SLC26A5: variants seen among roughly 807,000 people sequenced by gnomAD.
The protein encoded by SLC26A5 is prestin.
A neutral mutation model predicts 81.0 loss-of-function variants in SLC26A5; 51 were observed. That is an observed-to-expected ratio of 0.63 (90% CI 0.50 to 0.80). The LOEUF is 0.80. Ranked by LOEUF, SLC26A5 falls within the 30% of genes least tolerant of loss-of-function variation. The pLI is 0.00. For synonymous variants in SLC26A5, 325 were observed against 332.8 expected, an observed-to-expected ratio of 0.98 and a Z score of 0.25; for missense variants, 771 against 905.8, an observed-to-expected ratio of 0.85 and a Z score of 1.91.
At chr7:103,402,512 G>A (rs1414682954) in intron 8 of SLC26A5, among the ~76,000 whole-genome samples, 1 of 149,620 alleles carries the variant, frequency 6.7e-6, no homozygotes, top group African/African-American at 2.5e-5. Flanking sequence ...TGATTCTCCT[G>A]CCTCAACCTC....
intron 1 of SLC26A5, among the ~76,000 whole-genome samples, chr7:103,444,243 AAAAG>A (rs570621697): frequency 4.6e-4 from 70 of 152,340 alleles, no homozygotes; most frequent in Non-Finnish European, 8.7e-4. Context: ...GTTTGAAACC[AAAAG>A]AAAGGAAAAT....
chr7:103,390,513 G>C lies in SLC26A5; in HGVS notation c.1234-7C>G. On this transcript the variant is annotated splice_polypyrimidine_tract_variant and splice_region_variant and intron_variant, in intron 11 of 19. Transcript: ENST00000306312. ...AGGCCAAACAACCTGCAAGCTGAAT[G>C]AGAGAAGACACATGGAAGGGGCTTT... 2 of 1,613,544 alleles carry C rather than the reference G, an allele frequency of 1.2e-6. No individual in the cohort carries two copies. The highest frequency in any genetic ancestry group is 1.1e-5 in the South Asian group (1 of 91,070).
At chr7:103,354,742 C>T in intron 19 of SLC26A5, 1 of 632,446 alleles carries the variant, frequency 1.6e-6, no homozygotes, top group African/African-American at 1.8e-5. Flanking sequence ...AGGAATACCT[C>T]TCTACTTCAC....
chr7:103,358,177 G>A (rs925247178), intron 19 of SLC26A5, among the ~76,000 whole-genome samples: 2 of 152,266 alleles, frequency 1.3e-5, no homozygotes, highest in Admixed American at 6.5e-5. Context: ...TTTTGAAGGC[G>A]TCGTTCTGTT....
chr7:103,383,666 T>C (rs1821960274), intron 14 of SLC26A5, among the ~76,000 whole-genome samples: 1 of 152,176 alleles, frequency 6.6e-6, no homozygotes, highest in East Asian at 1.9e-4. Context: ...TTATTTTTGT[T>C]TTATTATTTA....
intron 2 of SLC26A5, among the ~76,000 whole-genome samples, chr7:103,439,898 T>C (rs759501720): frequency 2.0e-4 from 30 of 152,202 alleles, no homozygotes; most frequent in Non-Finnish European, 3.5e-4. Flanking sequence ...CTGGCCAGGA[T>C]GCTCTACTCC....
At chr7:103,432,696 C>T (rs184199645) in intron 2 of SLC26A5, among the ~76,000 whole-genome samples, 2 of 152,002 alleles carry the variant, frequency 1.3e-5, no homozygotes, top group East Asian at 3.9e-4. Flanking sequence ...GATTCTTCTG[C>T]TTGTTCTGTT....
rs368278768 is a variant in SLC26A5, at chr7:103,421,538, C to A, written c.-24G>T. On this transcript the variant is annotated 5_prime_UTR_variant, in exon 3 of 20. Transcript: ENST00000306312. ...ATAGTACTCTGAAATTATTCCTTAA[C>A]AGCCGGAGACAAGCATTTCCTGAGT... 5 of 1,613,060 alleles carry A rather than the reference C, an allele frequency of 3.1e-6. No homozygotes were observed. Among genetic ancestry groups the A allele is most frequent in the Non-Finnish European group, 3.4e-6 (4 of 1,179,508 alleles).
At chr7:103,393,571 G>C (rs1478630807) in intron 9 of SLC26A5, among the ~76,000 whole-genome samples, 12 of 138,456 alleles carry the variant, frequency 8.7e-5, no homozygotes, top group East Asian at 2.0e-4. Flanking sequence ...CTCTTCCTGT[G>C]TGTGTGTGTG....
Position 103,391,700 on chromosome 7 carries a change from G to A in SLC26A5, c.1155C>T (p.Gly385=). Residue 385 remains glycine (G), a synonymous_variant, in exon 11 of 20, where the codon GGC becomes GGT. Transcript: ENST00000306312. ...AAATTGAAAAGGTCTGGAAGAGTGA[G>A]CCAATGGAATTGCACAGTCCCAGGG... is the stretch of plus-strand genomic sequence containing the variant. ...LIALGLCNSI[G]SLFQTFSISC... is the part of the protein sequence containing the mutation. 1 of 1,614,054 alleles carries A rather than the reference G, an allele frequency of 6.2e-7. No homozygotes were observed. The highest frequency in any genetic ancestry group is 8.5e-7 in the Non-Finnish European group (1 of 1,180,004).
At chr7:103,388,094 G>T (rs1180790821) in intron 14 of SLC26A5, among the ~76,000 whole-genome samples, 9 of 151,774 alleles carry the variant, frequency 5.9e-5, no homozygotes, top group African/African-American at 2.2e-4. Flanking sequence ...TTGCTATGTT[G>T]CCCAGGCTGG....
chr7:103,402,014 T>A lies in SLC26A5; in HGVS notation c.889-4000A>T, dbSNP rs553885357. Among the ~76,000 whole-genome samples the A allele has an allele frequency of 5.2e-4, 79 of 152,268 alleles. 1 individual carries two copies. The highest frequency in any genetic ancestry group is 2.6e-4 in the Non-Finnish European group (18 of 68,020). On this transcript the variant is annotated intron_variant, in intron 8 of 19. Transcript: ENST00000306312. ...TTCATCAGGGATGCTGGCCTGAAAT[T>A]TTCTTTTTTTTGTTGTTGTGTCTCT...
At chr7:103,408,707 G>T (rs1824255924) in intron 7 of SLC26A5, among the ~76,000 whole-genome samples, 1 of 152,214 alleles carries the variant, frequency 6.6e-6, no homozygotes, top group Non-Finnish European at 1.5e-5. Context: ...CAAAGAGAGA[G>T]AAATTATTGT....
At chr7:103,417,865 C>T (rs1472361171) in intron 4 of SLC26A5, among the ~76,000 whole-genome samples, 1 of 152,204 alleles carries the variant, frequency 6.6e-6, no homozygotes, top group African/African-American at 2.4e-5. Flanking sequence ...TCTCCTGCCT[C>T]AGCCTCCCGA....
At chr7:103,433,642 CT>C (rs1826235105) in intron 2 of SLC26A5, 1 of 151,424 alleles carries the variant, frequency 6.6e-6, no homozygotes, top group African/African-American at 2.4e-5. Flanking sequence ...TTTAATTCTT[CT>C]TAAAGTCATT....
intron 2 of SLC26A5, among the ~76,000 whole-genome samples, chr7:103,423,460 T>C (rs144183518): frequency 6.6e-6 from 1 of 152,332 alleles, no homozygotes; most frequent in East Asian, 1.9e-4. Context: ...TGTTTTTGTC[T>C]CTTTCAAAAT....
In SLC26A5 at chr7:103,367,385, G is replaced by C; in HGVS notation, c.2041+9423C>G. On this transcript the variant is annotated intron_variant, in intron 19 of 19. Transcript: ENST00000339444. The surrounding 1 kb of genome is among the most constrained non-coding windows in gnomAD (Gnocchi z 6.1). ...AGTGCTACTCTTGAGTGGACTTGAA[G>C]AGCTTATCTTTCCTTTTGTCTTCTC... 1.2e-6 allele frequency: 2 copies of C among 1,610,206 alleles called. No individual in the cohort carries two copies. Among genetic ancestry groups the C allele is most frequent in the Non-Finnish European group, 1.7e-6 (2 of 1,178,010 alleles).
chr7:103,390,851 C>T (rs1822583719), intron 11 of SLC26A5, among the ~76,000 whole-genome samples: 1 of 150,940 alleles, frequency 6.6e-6, no homozygotes, highest in South Asian at 2.1e-4. Context: ...CCAGTAGCCA[C>T]ATGTGGCCAT....
chr7:103,370,583 T>A (rs1352225918), downstream of SLC26A5, among the ~76,000 whole-genome samples: 1 of 152,192 alleles, frequency 6.6e-6, no homozygotes, highest in East Asian at 1.9e-4. Flanking sequence ...ATGTTTTAGA[T>A]GTTTCCTGCA....
Sources: gnomAD v4.1 joint callset for allele counts (sites outside exome capture counted in the v4.1 genomes callset) on GRCh38, gnomAD v4.1.1 for gene constraint, Gnocchi (gnomAD v3.1) non-coding constraint, MANE v1.5 for transcripts, NCBI Gene and HGNC (gene_info 2026-07-23, HGNC 2026-07-21) for gene names.